RAB15: variants seen among roughly 807,000 people sequenced by gnomAD.
RAB15 encodes ras-related protein Rab-15.
A neutral mutation model predicts 31.8 loss-of-function variants in RAB15; 13 were observed. That is an observed-to-expected ratio of 0.41 (90% confidence interval 0.27 to 0.65). The LOEUF (loss-of-function observed/expected upper bound fraction) is 0.65, where lower values mean the gene tolerates loss of function less well. Ranked by LOEUF, RAB15 falls within the 30% of genes least tolerant of loss-of-function variation. The probability of loss-of-function intolerance (pLI) is 0.32; values close to 1 mark genes in which losing one functional copy is unlikely to be tolerated. For missense variants in RAB15, 220 were observed against 277.3 expected (o/e 0.79, Z 1.47); for synonymous variants, 100 against 105.6 (o/e 0.95, Z 0.33).
At chr14:64,957,892 C>T (rs1378664341) in intron 1 of RAB15, 1 of 148,068 alleles carries the variant, frequency 6.8e-6, no homozygotes, top group Non-Finnish European at 1.5e-5. Flanking sequence ...TGCCTTTTCC[C>T]ACACGCCCTG....
Position 64,958,752 on chromosome 14 carries a change from G to A in RAB15, c.125-6181C>T, listed in dbSNP as rs1399105720. Among the ~76,000 whole-genome samples the A allele has an allele frequency of 6.6e-6, 1 of 152,160 alleles. No homozygotes were observed. Among genetic ancestry groups the A allele is most frequent in the African/African-American group, 2.4e-5 (1 of 41,444 alleles). The stretch of plus-strand genomic sequence containing the variant: ...AGCTCTGGCAGAGGTTCTCGGAGAC[G>A]CTGAGAGCCCCAGGAGGAGAAAGTC... On this transcript the variant is annotated intron_variant, in intron 1 of 6. Coordinates refer to ENST00000533601, the MANE Select transcript of RAB15 (RefSeq NM_001308154.2). The surrounding 1 kb of genome is among the most constrained non-coding windows in gnomAD (Gnocchi z 4.4).
Position 64,971,135 on chromosome 14 carries a change from AGACT to A in RAB15, c.124+814_124+817del, listed in dbSNP as rs1179381835. On this transcript the variant is annotated intron_variant, in intron 1 of 6. Coordinates refer to ENST00000533601, the MANE Select transcript of RAB15 (RefSeq NM_001308154.2). The surrounding 1 kb of genome is among the most constrained non-coding windows in gnomAD (Gnocchi z 4.1). The stretch of plus-strand genomic sequence containing the variant: ...GGGCCCCTCACAGCCTAGAAGCGGG[AGACT>A]GACTGTCTCAGAGGGGAGGCCATGG... 6.6e-6 allele frequency among the ~76,000 whole-genome samples: 1 copy of A among 152,124 alleles called. No individual in the cohort carries two copies. The highest frequency in any genetic ancestry group is 1.9e-4 in the East Asian group (1 of 5,182).
At chr14:64,956,684 G>A (rs1036713811) in intron 1 of RAB15, among the ~76,000 whole-genome samples, 1 of 152,104 alleles carries the variant, frequency 6.6e-6, no homozygotes, top group Admixed American at 6.5e-5. Context: ...AATCACCTGG[G>A]GTGACTTAAA....
In RAB15 at chr14:64,968,903, C is replaced by G. The variant is rs1363241015; in HGVS notation, c.124+3050G>C. ...AAGACGAAAAGGATAGGGGGAGGGA[C>G]AGTCAGTGTCTCAGTCTACCAGGGA... On this transcript the variant is annotated intron_variant, in intron 1 of 6. Coordinates refer to ENST00000533601, the MANE Select transcript of RAB15 (RefSeq NM_001308154.2). This position sits in a 1 kb window ranked among gnomAD's most constrained non-coding sequence, Gnocchi z 4.9. 6.6e-6 allele frequency among the ~76,000 whole-genome samples: 1 copy of G among 152,218 alleles called. No individual in the cohort carries two copies. The highest frequency in any genetic ancestry group is 1.5e-5 in the Non-Finnish European group (1 of 68,036).
chr14:64,952,595 AAGTT>A lies in RAB15; in HGVS notation c.125-28_125-25del. On this transcript the variant is annotated intron_variant, in intron 1 of 6. Transcript: ENST00000533601. This position sits in a 1 kb window ranked among gnomAD's most constrained non-coding sequence, Gnocchi z 4.2. ...ACCTGAAGAAAGGAAGAAAGAAAGA[AAGTT>A]AGAAAGCGTACCCACGAGAAATGAA... 2.6e-6 allele frequency: 4 copies of A among 1,566,896 alleles called. No individual in the cohort carries two copies. The highest frequency in any genetic ancestry group is 3.5e-6 in the Non-Finnish European group (4 of 1,139,260).
Position 64,950,658 on chromosome 14 carries a change from A to T in RAB15, c.325-244T>A, listed in dbSNP as rs573774430. 2.1e-4 allele frequency: 123 copies of T among 599,978 alleles called. 1 individual carries two copies. The highest frequency in any genetic ancestry group is 3.2e-4 in the Non-Finnish European group (109 of 337,002). The allele number at this position is 599,978 out of a possible 1,614,324, so 37.2% of individuals were successfully genotyped here. The stretch of plus-strand genomic sequence containing the variant: ...TGCTTCCTTGGGTTAGACCACTGGT[A>T]TCAGAGCTGGAAAGGACATTGGATG... On this transcript the variant is annotated intron_variant, in intron 4 of 6. Coordinates refer to ENST00000533601, the MANE Select transcript of RAB15 (RefSeq NM_001308154.2). This position sits in a 1 kb window ranked among gnomAD's most constrained non-coding sequence, Gnocchi z 5.6.
rs1886921617 is a variant in RAB15 at position 64,962,644 on chromosome 14, GA to G, written c.124+9308del. The stretch of plus-strand genomic sequence containing the variant: ...TAAATGACAAGAAGGTGCCAGCAGG[GA>G]GATCCAAAGAATCAGGTAGAGGAAG... On this transcript the variant is annotated intron_variant, in intron 1 of 6. Coordinates refer to ENST00000533601, the MANE Select transcript of RAB15 (RefSeq NM_001308154.2). The surrounding 1 kb of genome is among the most constrained non-coding windows in gnomAD (Gnocchi z 4.2). Among the ~76,000 whole-genome samples the G allele has an allele frequency of 6.6e-6, 1 of 152,192 alleles. No individual in the cohort carries two copies. The highest frequency in any genetic ancestry group is 2.4e-5 in the African/African-American group (1 of 41,434).
At position 64,950,897 on chromosome 14, in the gene RAB15, G is replaced by A. The variant is rs1886210604; in HGVS notation, c.324+177C>T. 1 of 1,331,970 alleles carries A rather than the reference G, an allele frequency of 7.5e-7. No homozygotes were observed. The highest frequency in any genetic ancestry group is 1.4e-5 in the African/African-American group (1 of 69,216). The allele number at this position is 1,331,970 out of a possible 1,614,324, so 82.5% of individuals were successfully genotyped here. ...CCGTGGAGGCCTGGCAGGGTATAGA[G>A]AGTGAGGGCATGGCAGCTTCGGTTT... On this transcript the variant is annotated intron_variant, in intron 4 of 6. Coordinates refer to ENST00000533601, the MANE Select transcript of RAB15 (RefSeq NM_001308154.2). This position sits in a 1 kb window ranked among gnomAD's most constrained non-coding sequence, Gnocchi z 5.6.
At position 64,948,070 on chromosome 14, in the gene RAB15, G is replaced by T; in HGVS notation, c.*284C>A. 1 of 379,564 alleles carries T rather than the reference G, an allele frequency of 2.6e-6. No individual in the cohort carries two copies. The highest frequency in any genetic ancestry group is 4.2e-5 in the East Asian group (1 of 23,744). 23.5% of individuals were successfully genotyped at this position (379,564 alleles called of 1,614,324 possible). A position where few individuals can be genotyped will look rare whatever the true frequency, so the allele number is the denominator to read the frequency against. ...CCCTGGCTGTTGTCTGGTGGGTGCG[G>T]GATGGTGAGACAGTGCTTGCGGCAC... On this transcript the variant is annotated 3_prime_UTR_variant, in exon 7 of 7. Transcript: ENST00000533601. The surrounding 1 kb of genome is among the most constrained non-coding windows in gnomAD (Gnocchi z 7.0).
At chr14:64,969,876 T>C (rs1314265758) in intron 1 of RAB15, among the ~76,000 whole-genome samples, 1 of 152,102 alleles carries the variant, frequency 6.6e-6, no homozygotes, top group Non-Finnish European at 1.5e-5. Flanking sequence ...GAAGGGTGGA[T>C]GATTAGAGGT....
rs796394212 is a variant in RAB15, at chr14:64,962,751, T to A, written c.124+9202A>T. Among the ~76,000 whole-genome samples the A allele has an allele frequency of 9.2e-5, 14 of 152,282 alleles. 1 individual carries two copies. The highest frequency in any genetic ancestry group is 3.1e-4 in the African/African-American group (13 of 41,550). On this transcript the variant is annotated intron_variant, in intron 1 of 6. Transcript: ENST00000533601. The surrounding 1 kb of genome is among the most constrained non-coding windows in gnomAD (Gnocchi z 4.2). The stretch of plus-strand genomic sequence containing the variant: ...AGGGTCAACAGTACTCTCTCCTTTG[T>A]TACAAAAGGGGAACTGCAGCAAGAC...
intron 1 of RAB15, among the ~76,000 whole-genome samples, chr14:64,964,972 G>A (rs1049291955): frequency 2.6e-5 from 4 of 151,686 alleles, no homozygotes; most frequent in Non-Finnish European, 5.9e-5. Flanking sequence ...CTGAGACAGG[G>A]TCTCACTCTG....
rs10132686 is a variant in RAB15 at position 64,971,219 on chromosome 14, T to C, written c.124+734A>G. ...TAGTGCTGTCTGGGATGCCACCGGG[T>C]CTTGTCCCTCTAACCACAGGCTCCA... On this transcript the variant is annotated intron_variant, in intron 1 of 6. Transcript: ENST00000533601. This position sits in a 1 kb window ranked among gnomAD's most constrained non-coding sequence, Gnocchi z 4.1. 0.39 allele frequency among the ~76,000 whole-genome samples: 59,381 copies of C among 151,980 alleles called. 11,747 individuals are homozygous for C. The highest frequency in any genetic ancestry group is 0.44 in the East Asian group (2,292 of 5,160).
chr14:64,950,307 C>G lies in RAB15; in HGVS notation c.414+18G>C, dbSNP rs1380975225. The stretch of plus-strand genomic sequence containing the variant: ...CAGCAGAGGACCTGGGGTGGACTTG[C>G]CTTTTCCCTCCACTTACCTGCTGCC... On this transcript the variant is annotated intron_variant, in intron 5 of 6. Coordinates refer to ENST00000533601, the MANE Select transcript of RAB15 (RefSeq NM_001308154.2). This position sits in a 1 kb window ranked among gnomAD's most constrained non-coding sequence, Gnocchi z 5.6. The G allele has an allele frequency of 1.9e-6, 3 of 1,607,546 alleles. No individual in the cohort carries two copies. The highest frequency in any genetic ancestry group is 2.7e-5 in the African/African-American group (2 of 74,742).
rs989018945 is a variant in RAB15 at position 64,953,787 on chromosome 14, C to G, written c.125-1216G>C. 1 of 985,130 alleles carries G rather than the reference C, an allele frequency of 1.0e-6. No homozygotes were observed. Among genetic ancestry groups the G allele is most frequent in the East Asian group, 1.1e-4 (1 of 8,828 alleles). 61.0% of individuals were successfully genotyped at this position (985,130 alleles called of 1,614,324 possible). A position where few individuals can be genotyped will look rare whatever the true frequency, so the allele number is the denominator to read the frequency against. On this transcript the variant is annotated intron_variant, in intron 1 of 6. Transcript: ENST00000533601. This position sits in a 1 kb window ranked among gnomAD's most constrained non-coding sequence, Gnocchi z 4.6. ...ACGTCTGGTGGGTTAATTAAGCTTACGTCTTTGTGTACTCCCTGGAGCAAG... is the reference window on the plus strand; with the variant it reads ...ACGTCTGGTGGGTTAATTAAGCTTAGGTCTTTGTGTACTCCCTGGAGCAAG...
At position 64,955,820 on chromosome 14, in the gene RAB15, T is replaced by G. The variant is rs1229133936; in HGVS notation, c.125-3249A>C. ...AGAGTCAGCCCTTTTTGTTGCATCT[T>G]TAGTATCCGTGAGAAGAAGAGATAT... On this transcript the variant is annotated intron_variant, in intron 1 of 6. Coordinates refer to ENST00000533601, the MANE Select transcript of RAB15 (RefSeq NM_001308154.2). The surrounding 1 kb of genome is among the most constrained non-coding windows in gnomAD (Gnocchi z 4.4). 6.6e-6 allele frequency among the ~76,000 whole-genome samples: 1 copy of G among 152,234 alleles called. No individual in the cohort carries two copies. The highest frequency in any genetic ancestry group is 1.9e-4 in the East Asian group (1 of 5,198).
chr14:64,960,441 G>T (rs766079570), intron 1 of RAB15, among the ~76,000 whole-genome samples: 1 of 152,192 alleles, frequency 6.6e-6, no homozygotes, highest in Non-Finnish European at 1.5e-5. Context: ...AAGACACAGA[G>T]TGTCCTGGCC....
At chr14:64,960,701 G>A (rs1006551459) in intron 1 of RAB15, among the ~76,000 whole-genome samples, 2 of 152,152 alleles carry the variant, frequency 1.3e-5, no homozygotes, top group Non-Finnish European at 2.9e-5. Context: ...AGCTCCCTTA[G>A]GGAAGCATGA....
At chr14:64,957,338 C>T (rs1349699510) in intron 1 of RAB15, among the ~76,000 whole-genome samples, 1 of 152,164 alleles carries the variant, frequency 6.6e-6, no homozygotes, top group African/African-American at 2.4e-5. Context: ...AGTCCTCTCA[C>T]TCCTACCTTC....
Sources: allele counts gnomAD v4.1 joint callset (sites outside exome capture counted in the v4.1 genomes callset), GRCh38; gene constraint gnomAD v4.1.1; non-coding constraint Gnocchi (gnomAD v3.1); transcripts MANE v1.5; gene names NCBI Gene and HGNC (gene_info 2026-07-23, HGNC 2026-07-21).